The following PCM1 variants were observed in gnomAD, a reference collection of about 807,000 sequenced individuals.
PCM1 encodes pericentriolar material 1 protein.
PCM1 carries 157 observed loss-of-function variants against 241.9 expected under a neutral mutation model. The observed-to-expected ratio is 0.65, with a 90% CI of 0.57 to 0.74. PCM1 has a LOEUF of 0.74. Ranked by LOEUF, PCM1 falls within the 30% of genes least tolerant of loss-of-function variation. PCM1 has a pLI of 0.00. For synonymous variants in PCM1, 1,085 were observed against 784.9 expected (o/e 1.38, Z -6.39); for missense variants, 3,478 against 2,360.1 (o/e 1.47, Z -9.81).
intron 36 of PCM1, among the ~76,000 whole-genome samples, chr8:18,019,687 G>A (rs1453955722): frequency 1.3e-5 from 2 of 152,176 alleles, no homozygotes; most frequent in Non-Finnish European, 1.5e-5. Flanking sequence ...GATCTGACAG[G>A]AGGCAGAGCT....
chr8:17,960,524 T>C (rs1195082590), intron 15 of PCM1, 80 bp downstream of exon 15: 1 of 964,990 alleles, frequency 1.0e-6, no homozygotes, highest in African/African-American at 2.4e-5. Context: ...CTTTTTTGTT[T>C]TTGTTTTTCT....
intron 3 of PCM1, 21 bp from the exon 4 acceptor site, chr8:17,937,113 T>C: frequency 1.3e-6 from 2 of 1,529,352 alleles, no homozygotes; most frequent in Non-Finnish European, 1.8e-6. Context: ...CATGTTAATT[T>C]TTGCTTTTAC....
At chr8:17,996,069 A>G (rs1347693704) in intron 29 of PCM1, among the ~76,000 whole-genome samples, 2 of 152,164 alleles carry the variant, frequency 1.3e-5, no homozygotes, top group African/African-American at 4.8e-5. Context: ...TTCCAGTACT[A>G]TGTTGAATAA....
chr8:17,929,236 T>C (rs1369232108), intron 2 of PCM1, among the ~76,000 whole-genome samples: 1 of 152,214 alleles, frequency 6.6e-6, no homozygotes, highest in Non-Finnish European at 1.5e-5. Context: ...TCTTATCACA[T>C]TCTACTTGAT....
In PCM1 at chr8:17,963,259, C is replaced by G; in HGVS notation, c.2622C>G (p.Asn874Lys). The G allele has an allele frequency of 1.2e-6, 2 of 1,604,786 alleles. No individual in the cohort carries two copies. Among genetic ancestry groups the G allele is most frequent in the Non-Finnish European group, 1.7e-6 (2 of 1,177,638 alleles). The change falls in exon 17 of 39, where the codon AAC becomes AAG. Residue 874 changes from asparagine to lysine, a missense_variant. By Grantham distance (94) the Asn-to-Lys change is moderately conservative (BLOSUM62 0). Coordinates refer to ENST00000325083, the MANE Select transcript of PCM1 (RefSeq NM_006197.4). ...CATTGAGAAGTGATGGATCTGAGAA[C>G]CTATGTACTCCTCAGCAAAGTAGAA... ...AVSLRSDGSE[N>K]LCTPQQSRTE... is the part of the protein sequence containing the mutation.
intron 28 of PCM1, 103 bp from the exon 29 acceptor site, chr8:17,993,380 C>T (rs928565384): frequency 4.0e-5 from 30 of 741,596 alleles, no homozygotes; most frequent in Non-Finnish European, 6.1e-6. Context: ...ATTATGTTAG[C>T]ATAAAATCAT....
At chr8:17,928,545 GC>G (rs1260492783) in intron 2 of PCM1, among the ~76,000 whole-genome samples, 1 of 148,862 alleles carries the variant, frequency 6.7e-6, no homozygotes, top group Non-Finnish European at 1.5e-5. Flanking sequence ...GACCCCAATG[GC>G]CCCCGCTTTC....
At chr8:17,998,206 C>G (rs954001644) in intron 29 of PCM1, among the ~76,000 whole-genome samples, 1 of 151,904 alleles carries the variant, frequency 6.6e-6, no homozygotes, top group African/African-American at 2.4e-5. Flanking sequence ...TTTTTGGTCC[C>G]TTTGTTGAGG....
intron 29 of PCM1, among the ~76,000 whole-genome samples, chr8:17,999,388 C>T (rs562527874): frequency 3.9e-5 from 6 of 152,040 alleles, no homozygotes; most frequent in Non-Finnish European, 7.4e-5. Context: ...TTAATCCTTC[C>T]AGGACTGGGT....
chr8:17,954,112 C>T (rs2067105679), intron 9 of PCM1, among the ~76,000 whole-genome samples: 1 of 152,158 alleles, frequency 6.6e-6, no homozygotes, highest in Non-Finnish European at 1.5e-5. Flanking sequence ...CAGTTTTTAT[C>T]CTTTACAAAC....
Position 18,027,974 on chromosome 8 carries a change from T to TATC in PCM1, c.*313_*315dup, listed in dbSNP as rs1341213109. ...ATAAAGTTTGGACTTATCTATAAAG[T>TATC]ATCTTTTTTGGAAATTATATTGAAT... On this transcript the variant is annotated 3_prime_UTR_variant, in exon 39 of 39. Coordinates refer to ENST00000325083, the MANE Select transcript of PCM1 (RefSeq NM_006197.4). 1.0e-5 allele frequency: 3 copies of TATC among 287,954 alleles called. No homozygotes were observed. In the East Asian group the frequency reaches 1.5e-4, roughly 15 times the overall value. 17.8% of individuals were successfully genotyped at this position (287,954 alleles called of 1,614,324 possible).
chr8:17,923,812 C>T (rs188480969), intron 1 of PCM1, among the ~76,000 whole-genome samples: 26 of 152,172 alleles, frequency 1.7e-4, no homozygotes, highest in Admixed American at 3.3e-4. Context: ...TTCTCCCTTC[C>T]TACCTATCTA....
intron 21 of PCM1, among the ~76,000 whole-genome samples, chr8:17,968,545 G>A (rs902568429): frequency 6.6e-6 from 1 of 151,986 alleles, no homozygotes; most frequent in African/African-American, 2.4e-5. Flanking sequence ...TTAAGTGACC[G>A]ATTATATGAG....
In PCM1 at chr8:17,957,578, G is replaced by C; in HGVS notation, c.1843G>C (p.Val615Leu). 7 of 1,572,380 alleles carry C rather than the reference G, an allele frequency of 4.5e-6. No individual in the cohort carries two copies. Among genetic ancestry groups the C allele is most frequent in the African/African-American group, 1.4e-5 (1 of 73,896 alleles). ...TAGAGAAGGGGAACAGGAGATTCAT[G>C]TTGCACAAGGTGAAGATGATGAGGA... Reference protein sequence around the residue: ...YNREGEQEIHVAQGEDDEEEE... With the variant: ...YNREGEQEIHLAQGEDDEEEE... The change falls in exon 13 of 39, where the codon GTT (valine) becomes CTT (leucine). Residue 615 changes from valine to leucine, a missense_variant. Transcript: ENST00000325083.
At chr8:17,990,158 A>C (rs1429057153) in intron 27 of PCM1, among the ~76,000 whole-genome samples, 179 bp downstream of exon 27, 1 of 152,090 alleles carries the variant, frequency 6.6e-6, no homozygotes, top group African/African-American at 2.4e-5. Context: ...CCTGTGAGCA[A>C]ATCATCCAAC....
At chr8:17,975,299 G>A (rs920034805) in intron 23 of PCM1, among the ~76,000 whole-genome samples, 2 of 152,060 alleles carry the variant, frequency 1.3e-5, no homozygotes, top group African/African-American at 4.8e-5. Context: ...GAGTAGCTGG[G>A]ATTACAGGCA....
Position 17,955,670 on chromosome 8 carries a change from C to T in PCM1, c.1472+17C>T. Reference sequence around the variant, plus strand: ...AAAACTCCAGTAAAACATTTATAATCATTGTTTACATGAAGTTAAATAATA... The same window carrying T: ...AAAACTCCAGTAAAACATTTATAATTATTGTTTACATGAAGTTAAATAATA... On this transcript the variant is annotated intron_variant, in intron 10 of 38. Coordinates refer to ENST00000325083, the MANE Select transcript of PCM1 (RefSeq NM_006197.4). The T allele has an allele frequency of 1.3e-6, 2 of 1,575,988 alleles. No individual in the cohort carries two copies. Among genetic ancestry groups the T allele is most frequent in the South Asian group, 1.1e-5 (1 of 90,212 alleles).
chr8:18,025,149 TTTTG>T, intron 36 of PCM1: 4 of 237,918 alleles, frequency 1.7e-5, no homozygotes, highest in South Asian at 1.0e-4. Flanking sequence ...TTTTTTTTTT[TTTTG>T]TGACAAAATG....
At chr8:18,015,373 TCTTG>T (rs2093035202) in intron 36 of PCM1, among the ~76,000 whole-genome samples, 1 of 152,152 alleles carries the variant, frequency 6.6e-6, no homozygotes, top group South Asian at 2.1e-4. Context: ...AAGTAATTAA[TCTTG>T]CTTAAGCTGC....
Sources: allele counts gnomAD v4.1 joint callset (sites outside exome capture counted in the v4.1 genomes callset), GRCh38; gene constraint gnomAD v4.1.1; transcripts MANE v1.5; gene names NCBI Gene and HGNC (gene_info 2026-07-23, HGNC 2026-07-21).